CLYBL: variants seen among roughly 807,000 people sequenced by gnomAD.
The protein encoded by CLYBL is citramalyl-CoA lyase, mitochondrial.
A neutral mutation model predicts 38.9 loss-of-function variants in CLYBL; 31 were observed. That is an observed-to-expected ratio of 0.80 (90% confidence interval 0.60 to 1.08). The LOEUF (loss-of-function observed/expected upper bound fraction) is 1.08, where lower values mean the gene tolerates loss of function less well. Among genes scored for constraint, CLYBL ranks in the 50% least tolerant of loss-of-function variants. The pLI is 0.00. For synonymous variants in CLYBL, 171 were observed against 158.6 expected, an observed-to-expected ratio of 1.08 and a Z score of -0.59; for missense variants, 434 against 411.6, an observed-to-expected ratio of 1.05 and a Z score of -0.47.
chr13:99,673,812 A>G (rs2047602385), intron 1 of CLYBL, among the ~76,000 whole-genome samples: 1 of 152,182 alleles, frequency 6.6e-6, no homozygotes, highest in East Asian at 1.9e-4. Context: ...TGAAGTGGGG[A>G]GACCCGTCAG....
chr13:99,683,481 A>G (rs9517830), intron 1 of CLYBL, among the ~76,000 whole-genome samples: 42,689 of 152,070 alleles, frequency 0.28, 7,151 homozygotes, highest in East Asian at 0.56. Context: ...CTTATTCTAT[A>G]TGCTTTTTTA....
chr13:99,773,077 C>A, intron 2 of CLYBL, 67 bp downstream of exon 2: 1 of 1,314,710 alleles, frequency 7.6e-7, no homozygotes, highest in Non-Finnish European at 1.1e-6. Flanking sequence ...CGAATAGTGA[C>A]ATTGCCCGCT....
chr13:99,641,435 C>T (rs1215524361), intron 1 of CLYBL, among the ~76,000 whole-genome samples: 1 of 152,060 alleles, frequency 6.6e-6, no homozygotes, highest in South Asian at 2.1e-4. Context: ...TTTGGGAGGC[C>T]GAGGTGGGTG....
chr13:99,791,035 T>C (rs1416565158), intron 2 of CLYBL, among the ~76,000 whole-genome samples: 1 of 152,168 alleles, frequency 6.6e-6, no homozygotes, highest in Non-Finnish European at 1.5e-5. Context: ...AACCAAAGAA[T>C]TGTGATTTGA....
In CLYBL at chr13:99,625,307, A is replaced by G. The variant is rs2046853642; in HGVS notation, c.62+18550A>G. ...CACACATTTTTTTTCTGTGGGAACC[A>G]CTAAGCATTAGCAACTCGCCAGTGA... is the stretch of plus-strand genomic sequence containing the variant. On this transcript the variant is annotated intron_variant, in intron 1 of 8. Coordinates refer to ENST00000339105, the MANE Select transcript of CLYBL (RefSeq NM_206808.5). Among the ~76,000 whole-genome samples, 7 of 152,328 alleles carry G rather than the reference A, an allele frequency of 4.6e-5. No individual in the cohort carries two copies. The South Asian group carries it at 1.4e-3, about 32-fold the overall frequency.
intron 2 of CLYBL, among the ~76,000 whole-genome samples, chr13:99,822,587 A>G (rs1391907053): frequency 1.3e-5 from 2 of 152,212 alleles, no homozygotes; most frequent in African/African-American, 4.8e-5. Flanking sequence ...TGGTGGTCAC[A>G]GTCATGCTTC....
At chr13:99,872,956 T>A (rs528971324) in intron 7 of CLYBL, among the ~76,000 whole-genome samples, 139 of 145,420 alleles carry the variant, frequency 9.6e-4, no homozygotes, top group African/African-American at 3.3e-3. Flanking sequence ...TTTTTTTTTT[T>A]AAATAAGAAA....
intron 1 of CLYBL, among the ~76,000 whole-genome samples, chr13:99,707,515 G>GC (rs1017579436): frequency 1.1e-4 from 17 of 152,170 alleles, no homozygotes; most frequent in South Asian, 4.2e-4. Flanking sequence ...CTCGTGATCT[G>GC]CCCCCCTCGG....
chr13:99,783,251 C>T (rs1424919603), intron 2 of CLYBL, among the ~76,000 whole-genome samples: 1 of 152,060 alleles, frequency 6.6e-6, no homozygotes, highest in Non-Finnish European at 1.5e-5. Context: ...CCATGTTGGC[C>T]AGGCTGGTCT....
chr13:99,768,494 C>CTTTT (rs779750350), intron 1 of CLYBL, among the ~76,000 whole-genome samples: 12 of 84,874 alleles, frequency 1.4e-4, no homozygotes, highest in African/African-American at 3.5e-4. Flanking sequence ...CGCCCGACCT[C>CTTTT]TTTTTTTTTT....
chr13:99,821,357 C>T (rs2050584813), intron 2 of CLYBL, among the ~76,000 whole-genome samples: 1 of 152,184 alleles, frequency 6.6e-6, no homozygotes, highest in Non-Finnish European at 1.5e-5. Context: ...CCGTGCCTGG[C>T]ATTTAGTTGG....
At chr13:99,656,274 C>A (rs950751333) in intron 1 of CLYBL, among the ~76,000 whole-genome samples, 2 of 151,994 alleles carry the variant, frequency 1.3e-5, no homozygotes, top group African/African-American at 4.8e-5. Flanking sequence ...AGGGAGTAGA[C>A]CAGGGTGCAG....
At chr13:99,652,567 C>T (rs1377027082) in intron 1 of CLYBL, among the ~76,000 whole-genome samples, 1 of 152,104 alleles carries the variant, frequency 6.6e-6, no homozygotes, top group African/African-American at 2.4e-5. Context: ...AAGCAGATAT[C>T]CTGGGAAGGG....
intron 1 of CLYBL, among the ~76,000 whole-genome samples, 175 bp downstream of exon 1, chr13:99,606,932 C>G (rs1047890320): frequency 2.0e-5 from 3 of 152,184 alleles, no homozygotes; most frequent in African/African-American, 7.2e-5. Flanking sequence ...CGCTGCCGCC[C>G]GCGCCTCCCT....
chr13:99,628,464 G>C (rs1331503746), intron 1 of CLYBL, among the ~76,000 whole-genome samples: 1 of 152,188 alleles, frequency 6.6e-6, no homozygotes, highest in Non-Finnish European at 1.5e-5. Context: ...AAAGTCAGAA[G>C]GCCAGGAGTG....
intron 1 of CLYBL, among the ~76,000 whole-genome samples, chr13:99,754,114 A>T (rs988495796): frequency 6.8e-6 from 1 of 146,080 alleles, no homozygotes; most frequent in Non-Finnish European, 1.5e-5. Flanking sequence ...AAAAAAAAAA[A>T]AGTATTAGGA....
intron 1 of CLYBL, among the ~76,000 whole-genome samples, chr13:99,758,364 A>G (rs1470099358): frequency 2.0e-5 from 3 of 152,228 alleles, no homozygotes; most frequent in Non-Finnish European, 4.4e-5. Flanking sequence ...GAGAGAACTC[A>G]CCATAAGGCT....
At chr13:99,877,289 A>G (rs2052068516) in intron 7 of CLYBL, among the ~76,000 whole-genome samples, 1 of 152,130 alleles carries the variant, frequency 6.6e-6, no homozygotes, top group Non-Finnish European at 1.5e-5. Flanking sequence ...GGAGAGGATC[A>G]TTTTGTTCCT....
Position 99,875,232 on chromosome 13 carries a change from C to T in CLYBL, c.927+4170C>T, listed in dbSNP as rs191473118. 2.6e-5 allele frequency among the ~76,000 whole-genome samples: 4 copies of T among 152,322 alleles called. No homozygotes were observed. In the East Asian group the frequency reaches 7.7e-4, roughly 29 times the overall value. ...ACAACTGTAAGCATCACGCAACCAA[C>T]ATTCTCATTTCACTCAGGAGAGAAA... On this transcript the variant is annotated intron_variant, in intron 7 of 8. Transcript: ENST00000339105.
Sources: allele counts gnomAD v4.1 joint callset (sites outside exome capture counted in the v4.1 genomes callset), GRCh38; gene constraint gnomAD v4.1.1; transcripts MANE v1.5; gene names NCBI Gene and HGNC (gene_info 2026-07-23, HGNC 2026-07-21).